Variants in KIF19 observed in about 807,000 individuals in gnomAD.
KIF19 encodes the protein kinesin-like protein KIF19.
In KIF19, 98 loss-of-function variants were observed where a neutral mutation model predicts 106.6. The ratio of observed to expected loss-of-function variants is 0.92; its 90% confidence interval spans 0.78 to 1.09. The LOEUF is 1.09. KIF19 is among the 50% of genes least tolerant of loss of function. KIF19 has a pLI of 0.00. For missense variants in KIF19, 1,373 were observed against 1,414.3 expected, an observed-to-expected ratio of 0.97 and a Z score of 0.47; for synonymous variants, 516 against 584.2, an observed-to-expected ratio of 0.88 and a Z score of 1.68.
chr17:74,336,660 C>T (rs1468329261), intron 2 of KIF19, among the ~76,000 whole-genome samples: 1 of 152,224 alleles, frequency 6.6e-6, no homozygotes, highest in Non-Finnish European at 1.5e-5. Context: ...TGTTTGTCCA[C>T]TCGTGCCCTT....
chr17:74,345,574 G>A (rs1430198347), intron 7 of KIF19, among the ~76,000 whole-genome samples: 2 of 152,158 alleles, frequency 1.3e-5, no homozygotes, highest in African/African-American at 2.4e-5. Flanking sequence ...CCACCCAGCT[G>A]GTGTAGGTCT....
At chr17:74,352,982 C>T in intron 15 of KIF19, 28 bp downstream of exon 15, 1 of 1,612,716 alleles carries the variant, frequency 6.2e-7, no homozygotes, top group Non-Finnish European at 8.5e-7. Flanking sequence ...TGCCCCAGCC[C>T]CCACCCTGTG....
intron 10 of KIF19, 57 bp from the exon 11 acceptor site, chr17:74,350,344 G>A (rs759310307): frequency 5.9e-5 from 88 of 1,503,504 alleles, no homozygotes; most frequent in Non-Finnish European, 6.7e-5. Flanking sequence ...GTGGGCCCAG[G>A]CTTTGCTAGC....
chr17:74,341,177 A>T (rs2054363099), intron 2 of KIF19, among the ~76,000 whole-genome samples: 2 of 152,100 alleles, frequency 1.3e-5, no homozygotes, highest in African/African-American at 4.8e-5. Flanking sequence ...TCTACTAAAA[A>T]TACAGGTGGC....
Position 74,354,945 on chromosome 17 carries a change from A to G in KIF19, c.2866+4A>G. 1.3e-6 allele frequency: 2 copies of G among 1,581,324 alleles called. No homozygotes were observed. The highest frequency in any genetic ancestry group is 1.7e-6 in the Non-Finnish European group (2 of 1,163,410). ...CTCCCTCCAAGCCAGAACACGGGTC[A>G]GTATGGGCAAGGAGGGGATGGGGAG... On this transcript the variant is annotated splice_donor_region_variant and intron_variant, in intron 19 of 19. Coordinates refer to ENST00000389916, the MANE Select transcript of KIF19 (RefSeq NM_153209.4).
chr17:74,351,172 G>T (rs2054691305), intron 12 of KIF19: 2 of 499,718 alleles, frequency 4.0e-6, no homozygotes, highest in Admixed American at 3.3e-5. Flanking sequence ...TCAAAAAATG[G>T]TAACTAATGT....
intron 2 of KIF19, among the ~76,000 whole-genome samples, chr17:74,340,283 A>T (rs986648770): frequency 6.6e-6 from 1 of 152,106 alleles, no homozygotes; most frequent in Non-Finnish European, 1.5e-5. Context: ...GTCTCCCGTC[A>T]TTTCCATGAA....
At chr17:74,339,437 C>A (rs1411841885) in intron 2 of KIF19, among the ~76,000 whole-genome samples, 2 of 151,084 alleles carry the variant, frequency 1.3e-5, no homozygotes, top group Non-Finnish European at 2.9e-5. Flanking sequence ...CTGCCCATGC[C>A]CTACCTCCCT....
intron 5 of KIF19, 85 bp downstream of exon 5, chr17:74,343,245 T>G (rs1322321796): frequency 7.3e-7 from 1 of 1,377,596 alleles, no homozygotes. Flanking sequence ...CGCTCATCAC[T>G]GCTGCCCTCC....
intron 2 of KIF19, among the ~76,000 whole-genome samples, chr17:74,341,463 G>T (rs1410812417): frequency 1.3e-5 from 2 of 152,204 alleles, no homozygotes; most frequent in African/African-American, 2.4e-5. Flanking sequence ...TGAGGGGCAG[G>T]CCCCCAGGGT....
At chr17:74,348,838 G>A (rs2054606620) in intron 9 of KIF19, 1 of 263,506 alleles carries the variant, frequency 3.8e-6, no homozygotes, top group Non-Finnish European at 7.2e-6. Flanking sequence ...AAGGCAGGAA[G>A]GGGATGGCGT....
chr17:74,353,437 G>A (rs766492967), intron 16 of KIF19, 57 bp from the exon 17 acceptor site: 4 of 1,535,070 alleles, frequency 2.6e-6, no homozygotes, highest in East Asian at 2.3e-5. Flanking sequence ...GCTGAGTGGG[G>A]CATGGGGTCC....
chr17:74,337,005 T>A (rs1425543857), intron 2 of KIF19, among the ~76,000 whole-genome samples: 1 of 152,110 alleles, frequency 6.6e-6, no homozygotes, highest in Non-Finnish European at 1.5e-5. Flanking sequence ...TTTGTATTTT[T>A]AGTATTTTAG....
At chr17:74,352,780 C>T in intron 14 of KIF19, 41 bp from the exon 15 acceptor site, 1 of 1,612,948 alleles carries the variant, frequency 6.2e-7, no homozygotes, top group South Asian at 1.1e-5. Context: ...TGGTCCAGGA[C>T]CAAATCTTCT....
In KIF19 at chr17:74,354,370, T is replaced by A. The variant is rs746399067; in HGVS notation, c.2517T>A (p.His839Gln). Reference protein sequence around the residue: ...CKRPPSPTLQHAASEDNLSSS... With the variant: ...CKRPPSPTLQQAASEDNLSSS... ...GGCCGCCCAGCCCCACACTACAGCA[T>A]GCTGCCAGTGAGGACAACCTGTCCA... is the stretch of plus-strand genomic sequence containing the variant. The change falls in exon 18 of 20, where the codon CAT becomes CAA. Residue 839 changes from histidine to glutamine, a missense_variant. His to Gln is a conservative substitution (Grantham distance 24). Transcript: ENST00000389916. 5.6e-6 allele frequency: 9 copies of A among 1,608,764 alleles called. No homozygotes were observed. Among genetic ancestry groups the A allele is most frequent in the Non-Finnish European group, 7.6e-6 (9 of 1,178,338 alleles).
chr17:74,330,538 G>C (rs1490995011), intron 2 of KIF19, among the ~76,000 whole-genome samples: 6 of 152,320 alleles, frequency 3.9e-5, no homozygotes, highest in Non-Finnish European at 5.9e-5. Flanking sequence ...GAAGACATCA[G>C]GTCCTCGGGG....
intron 1 of KIF19, 79 bp downstream of exon 1, chr17:74,326,467 C>A (rs2053911859): frequency 2.2e-6 from 3 of 1,389,702 alleles, no homozygotes; most frequent in Non-Finnish European, 2.0e-6. Flanking sequence ...AGTCCTGTCC[C>A]CTCGCCGCCA....
chr17:74,347,887 C>T lies in KIF19; in HGVS notation c.1035C>T (p.Asn345=), dbSNP rs866489122. 1.9e-6 allele frequency: 3 copies of T among 1,582,900 alleles called. No individual in the cohort carries two copies. ...TGACCTACGCCGGCCGGGCCAAGAA[C>T]ATTAAGACTAGGGTGAGGGCCCCTG... ...NTLTYAGRAK[N]IKTRVKQNLL... The change falls in exon 9 of 20, where the codon AAC becomes AAT. Residue 345 remains asparagine (N), a synonymous_variant. Transcript: ENST00000389916.
chr17:74,345,284 G>A (rs1277206442), intron 7 of KIF19, among the ~76,000 whole-genome samples: 1 of 152,118 alleles, frequency 6.6e-6, no homozygotes, highest in Non-Finnish European at 1.5e-5. Flanking sequence ...GTTTCTCCAG[G>A]GAAGGAGACT....
Sources: gnomAD v4.1 joint callset for allele counts (sites outside exome capture counted in the v4.1 genomes callset) on GRCh38, gnomAD v4.1.1 for gene constraint, MANE v1.5 for transcripts, NCBI Gene and HGNC (gene_info 2026-07-23, HGNC 2026-07-21) for gene names.